The following BTAF1 variants were observed in gnomAD, a reference collection of about 807,000 sequenced individuals.
BTAF1 encodes TATA-binding protein-associated factor 172.
In BTAF1, 38 loss-of-function variants were observed where a neutral mutation model predicts 227.1. That is an observed-to-expected ratio of 0.17 (90% CI 0.13 to 0.22). The LOEUF is 0.22. BTAF1 is among the 10% of genes least tolerant of loss of function. The pLI, the probability that BTAF1 is intolerant of heterozygous loss-of-function variation, is 1.00. For synonymous variants in BTAF1, 742 were observed against 751.9 expected (o/e 0.99, Z 0.21); for missense variants, 1,598 against 2,204.0 (o/e 0.73, Z 5.51).
chr10:92,024,974 G>A lies in BTAF1; in HGVS notation c.5075+7G>A. On this transcript the variant is annotated splice_region_variant and intron_variant, in intron 35 of 37. Coordinates refer to ENST00000265990, the MANE Select transcript of BTAF1 (RefSeq NM_003972.3). ...GGCATTCCATTGTTTCCCGGTAAGT[G>A]GCTTCTAAGACTCTTATTCATAAAT... The A allele has an allele frequency of 6.2e-7, 1 of 1,610,768 alleles. No homozygotes were observed.
intron 24 of BTAF1, 56 bp from the exon 25 acceptor site, chr10:91,997,547 T>A: frequency 1.3e-6 from 2 of 1,503,684 alleles, no homozygotes; most frequent in Non-Finnish European, 1.8e-6. Flanking sequence ...TATCAGTTTG[T>A]TTGTGAAAAC....
chr10:91,924,085 C>T lies in BTAF1; in HGVS notation c.9C>T (p.Val3=), dbSNP rs1354528010. The part of the protein sequence containing the change: MA[V]SRLDRLFILL... ...ACCGCCGGCGCCCGGCCATGGCGGT[C>T]TCCAGGTGGGTCTTGCTCCTGACGA... Residue 3 remains valine (V), a synonymous_variant, in exon 1 of 38, where the codon GTC becomes GTT. Coordinates refer to ENST00000265990, the MANE Select transcript of BTAF1 (RefSeq NM_003972.3). 6.2e-7 allele frequency: 1 copy of T among 1,608,978 alleles called. No individual in the cohort carries two copies. The highest frequency in any genetic ancestry group is 8.5e-7 in the Non-Finnish European group (1 of 1,178,486).
rs761943267 is a variant in BTAF1, at chr10:91,935,766, A to T, written c.124A>T (p.Asn42Tyr). 6 of 1,610,682 alleles carry T rather than the reference A, an allele frequency of 3.7e-6. No homozygotes were observed. The highest frequency in any genetic ancestry group is 4.5e-5 in the East Asian group (2 of 44,834). The change falls in exon 2 of 38, where the codon AAT (asparagine) becomes TAT (tyrosine). Residue 42 changes from asparagine (N) to tyrosine (Y), a missense_variant. Around this residue, in one of 10 missense-constraint regions of BTAF1, gnomAD observed 298 missense variants for 395.2 expected, o/e 0.75. Transcript: ENST00000265990. Reference sequence around the variant, plus strand: ...GAAGCTTCATCCCCATGAACTAAATAATCTCCTGTCTAAAGTAAGAACTTT... The same window carrying T: ...GAAGCTTCATCCCCATGAACTAAATTATCTCCTGTCTAAAGTAAGAACTTT... The part of the protein sequence containing the change: ...VVKLHPHELN[N>Y]LLSKVLIYLR...
rs182805427 is a variant in BTAF1 at position 91,925,575 on chromosome 10, G to T, written c.14+1485G>T. On this transcript the variant is annotated intron_variant, in intron 1 of 37. Coordinates refer to ENST00000265990, the MANE Select transcript of BTAF1 (RefSeq NM_003972.3). ...AGCCCAGGCTGGAGTGCAGTGGCGA[G>T]ATCTCGGCTCACTGCAAGCTCCGCA... 7.1e-4 allele frequency among the ~76,000 whole-genome samples: 101 copies of T among 141,796 alleles called. 1 individual carries two copies. The East Asian group carries it at 0.022, about 30-fold the overall frequency. The allele number at this position is 141,796 out of a possible 152,430, so 93.0% of individuals were successfully genotyped here.
rs1221589205 is a variant in BTAF1, at chr10:92,018,968, TG to T, written c.4863+34del. The T allele has an allele frequency of 2.1e-6, 3 of 1,436,418 alleles. No individual in the cohort carries two copies. The East Asian group carries it at 7.5e-5, about 36-fold the overall frequency. 89.0% of individuals were successfully genotyped at this position (1,436,418 alleles called of 1,614,324 possible). The stretch of plus-strand genomic sequence containing the variant: ...TGTCTTTTAAGTGTTAAATGTGTGT[TG>T]TACCCCAGGAATATAAATTCTTGGT... On this transcript the variant is annotated intron_variant, in intron 34 of 37. Coordinates refer to ENST00000265990, the MANE Select transcript of BTAF1 (RefSeq NM_003972.3).
At position 92,016,409 on chromosome 10, in the gene BTAF1, A is replaced by G; in HGVS notation, c.4654A>G (p.Thr1552Ala). The G allele has an allele frequency of 6.3e-7, 1 of 1,599,546 alleles. No individual in the cohort carries two copies. Among genetic ancestry groups the G allele is most frequent in the Non-Finnish European group, 8.5e-7 (1 of 1,174,306 alleles). Residue 1552 changes from threonine to alanine, a missense_variant, in exon 33 of 38, where the codon ACA becomes GCA. Coordinates refer to ENST00000265990, the MANE Select transcript of BTAF1 (RefSeq NM_003972.3). ...TGTTGATGAAACAGTTTCTTCAGCTACACTTTCTGAAGAAACTGAAAAACC... is the reference window on the plus strand; with the variant it reads ...TGTTGATGAAACAGTTTCTTCAGCTGCACTTTCTGAAGAAACTGAAAAACC... ...CDVDETVSSA[T>A]LSEETEKPKL... is the part of the protein sequence containing the mutation.
At position 91,989,044 on chromosome 10, in the gene BTAF1, T is replaced by C. The variant is rs561316546; in HGVS notation, c.2428-110T>C. Reference sequence around the variant, plus strand: ...CTGAGTACTAAAACAATATTACATATTGTGGAAACCAAAATTGAAACAGAA... The same window carrying C: ...CTGAGTACTAAAACAATATTACATACTGTGGAAACCAAAATTGAAACAGAA... On this transcript the variant is annotated intron_variant, in intron 19 of 37. Coordinates refer to ENST00000265990, the MANE Select transcript of BTAF1 (RefSeq NM_003972.3). The C allele has an allele frequency of 1.3e-4, 120 of 939,626 alleles. 1 individual carries two copies. In the African/African-American group the frequency reaches 1.9e-3, roughly 15 times the overall value. 58.2% of individuals were successfully genotyped at this position (939,626 alleles called of 1,614,324 possible).
chr10:91,956,624 T>C lies in BTAF1; in HGVS notation c.798T>C (p.Asp266=). ...CAAATGATTCCAAAGTCTTGATTGA[T>C]AATATTCCAGACAGCTCTTCCTTAA... ...QSANDSKVLI[D]NIPDSSSLIE... The change falls in exon 7 of 38, where the codon GAT becomes GAC. Residue 266 remains aspartate, a synonymous_variant. Transcript: ENST00000265990. 6.2e-7 allele frequency: 1 copy of C among 1,609,996 alleles called. No individual in the cohort carries two copies. The highest frequency in any genetic ancestry group is 8.5e-7 in the Non-Finnish European group (1 of 1,178,814).
At chr10:92,000,412 A>AT (rs968833863) in intron 25 of BTAF1, among the ~76,000 whole-genome samples, 2 of 152,204 alleles carry the variant, frequency 1.3e-5, no homozygotes, top group African/African-American at 4.8e-5. Context: ...TGAAAGTAGT[A>AT]TTTTAGGAAA....
chr10:91,975,780 A>C (rs1847635738), intron 14 of BTAF1, among the ~76,000 whole-genome samples: 1 of 152,216 alleles, frequency 6.6e-6, no homozygotes, highest in South Asian at 2.1e-4. Context: ...GACCGTAACA[A>C]AAGGGTACAG....
chr10:91,941,246 A>G (rs1844976422), intron 3 of BTAF1, among the ~76,000 whole-genome samples: 1 of 152,210 alleles, frequency 6.6e-6, no homozygotes, highest in Non-Finnish European at 1.5e-5. Flanking sequence ...TCCGTTTTTA[A>G]AAGACTTAAT....
At chr10:91,949,451 T>C (rs535482431) in intron 4 of BTAF1, among the ~76,000 whole-genome samples, 1 of 152,376 alleles carries the variant, frequency 6.6e-6, no homozygotes, top group South Asian at 2.1e-4. Context: ...TCAGTTATTC[T>C]GCACATTATG....
At chr10:91,949,279 G>C (rs12766605) in intron 4 of BTAF1, among the ~76,000 whole-genome samples, 48,522 of 152,068 alleles carry the variant, frequency 0.32, 8,882 homozygotes, top group South Asian at 0.52. Flanking sequence ...TGCTACTGCA[G>C]TCCAGCGTGA....
intron 14 of BTAF1, among the ~76,000 whole-genome samples, chr10:91,972,801 C>A (rs1330106542): frequency 1.3e-5 from 2 of 152,180 alleles, no homozygotes; most frequent in African/African-American, 4.8e-5. Flanking sequence ...CAAAACCTGA[C>A]CATTCTGAAG....
intron 22 of BTAF1, 50 bp from the exon 23 acceptor site, chr10:91,994,485 A>G (rs747476297): frequency 1.4e-6 from 2 of 1,428,246 alleles, no homozygotes; most frequent in East Asian, 4.6e-5. Context: ...TGTGTGCTCT[A>G]GATTTTGAAA....
chr10:91,929,608 G>T lies in BTAF1; in HGVS notation c.14+5518G>T, dbSNP rs113923595. Among the ~76,000 whole-genome samples the T allele has an allele frequency of 3.3e-3, 503 of 152,220 alleles. 11 individuals are homozygous for T. The highest frequency in any genetic ancestry group is 0.012 in the African/African-American group (493 of 41,532). ...ATAAAAGGAAGTTTCTTGATGTAGGGGACGTTCAGTGGGTCCTGGACAGGA... is the reference window on the plus strand; with the variant it reads ...ATAAAAGGAAGTTTCTTGATGTAGGTGACGTTCAGTGGGTCCTGGACAGGA... On this transcript the variant is annotated intron_variant, in intron 1 of 37. Transcript: ENST00000265990.
chr10:91,973,133 C>T (rs1302242463), intron 14 of BTAF1, among the ~76,000 whole-genome samples: 1 of 152,120 alleles, frequency 6.6e-6, no homozygotes, highest in Admixed American at 6.5e-5. Flanking sequence ...AGTCAGCAAT[C>T]CTTTATGGAA....
intron 22 of BTAF1, among the ~76,000 whole-genome samples, chr10:91,994,217 T>C (rs567261414): frequency 6.6e-6 from 1 of 152,166 alleles, no homozygotes. Flanking sequence ...GGAGGATTGC[T>C]TGAACCCTGG....
intron 34 of BTAF1, among the ~76,000 whole-genome samples, chr10:92,021,362 A>G (rs1427012393): frequency 1.3e-5 from 2 of 152,206 alleles, no homozygotes; most frequent in East Asian, 1.9e-4. Flanking sequence ...AATATTTTAT[A>G]TGAGGCAAAG....
Sources: gnomAD v4.1 joint callset for allele counts (sites outside exome capture counted in the v4.1 genomes callset) on GRCh38, gnomAD v4.1.1 for gene constraint, gnomAD v4.1.1 regional missense constraint, MANE v1.5 for transcripts, NCBI Gene and HGNC (gene_info 2026-07-23, HGNC 2026-07-21) for gene names.